ABCC9: variants seen among roughly 807,000 people sequenced by gnomAD.
ABCC9 encodes the protein ATP binding cassette subfamily C member 9.
A neutral mutation model predicts 188.3 loss-of-function variants in ABCC9; 95 were observed. The ratio of observed to expected loss-of-function variants is 0.50; its 90% CI spans 0.43 to 0.60. The LOEUF (loss-of-function observed/expected upper bound fraction) is 0.60. ABCC9 is among the 20% of genes least tolerant of loss of function. The pLI is 0.00. For missense variants in ABCC9, 1,102 were observed against 1,876.3 expected (o/e 0.59, Z 7.62); for synonymous variants, 659 against 652.7 (o/e 1.01, Z -0.15).
At chr12:21,921,177 C>T (rs934535964) in intron 5 of ABCC9, among the ~76,000 whole-genome samples, 2 of 152,062 alleles carry the variant, frequency 1.3e-5, no homozygotes, top group African/African-American at 4.8e-5. Context: ...TACTAATTTA[C>T]ATTTCCACCA....
chr12:21,936,056 A>G (rs898094992), intron 3 of ABCC9, among the ~76,000 whole-genome samples: 5 of 152,046 alleles, frequency 3.3e-5, no homozygotes, highest in African/African-American at 4.8e-5. Flanking sequence ...GTCACTCACT[A>G]TCTTCCCCAC....
chr12:21,913,406 A>G (rs940132621), intron 7 of ABCC9, among the ~76,000 whole-genome samples: 2 of 152,182 alleles, frequency 1.3e-5, no homozygotes, highest in Admixed American at 6.6e-5. Flanking sequence ...GAAAATATAT[A>G]TTTGTCATGC....
At chr12:21,939,838 G>T (rs1401043575) in intron 2 of ABCC9, among the ~76,000 whole-genome samples, 4 of 152,158 alleles carry the variant, frequency 2.6e-5, no homozygotes, top group African/African-American at 4.8e-5. Context: ...ACATAAAATA[G>T]AAATACTCCT....
intron 4 of ABCC9, among the ~76,000 whole-genome samples, chr12:21,926,942 T>C (rs1052685828): frequency 8.5e-5 from 13 of 152,194 alleles, no homozygotes; most frequent in African/African-American, 3.1e-4. Flanking sequence ...TTTCTCAAAT[T>C]ACTTGAAGAT....
At chr12:21,829,600 C>A (rs900071906) in intron 30 of ABCC9, among the ~76,000 whole-genome samples, 26 of 152,076 alleles carry the variant, frequency 1.7e-4, no homozygotes, top group Non-Finnish European at 3.5e-4. Flanking sequence ...CTTTCTTATA[C>A]CCTTACTAGG....
chr12:21,839,341 G>A (rs1222432946), intron 29 of ABCC9, among the ~76,000 whole-genome samples: 1 of 152,164 alleles, frequency 6.6e-6, no homozygotes, highest in African/African-American at 2.4e-5. Context: ...TGACAGTGCT[G>A]TTTACCAGAG....
At chr12:21,802,843 TG>T (rs1941552047) in intron 39 of ABCC9, among the ~76,000 whole-genome samples, 1 of 152,130 alleles carries the variant, frequency 6.6e-6, no homozygotes, top group South Asian at 2.1e-4. Context: ...CATTCTGCCC[TG>T]GGCCATGTAG....
chr12:21,905,156 C>A (rs921572796), intron 12 of ABCC9, among the ~76,000 whole-genome samples: 1 of 152,096 alleles, frequency 6.6e-6, no homozygotes, highest in African/African-American at 2.4e-5. Context: ...TCATTCTCAG[C>A]AAACTATTGC....
chr12:21,932,439 G>C (rs1339966762), intron 4 of ABCC9, among the ~76,000 whole-genome samples: 1 of 151,956 alleles, frequency 6.6e-6, no homozygotes, highest in Non-Finnish European at 1.5e-5. Context: ...AAACTAAAGA[G>C]CTCCTGCACA....
intron 7 of ABCC9, 124 bp from the exon 8 acceptor site, chr12:21,913,190 G>A: frequency 1.2e-6 from 1 of 829,778 alleles, no homozygotes. Context: ...TTTAAAAATT[G>A]ATGTTAATGT....
In ABCC9 at chr12:21,919,740, G is replaced by A. The variant is rs77907336; in HGVS notation, c.407-2637C>T. On this transcript the variant is annotated intron_variant, in intron 5 of 39. Transcript: ENST00000261200. ...TTATACAAAGTCTTTCAGAAAAATAGAGAGAAAACACTTTCCAACTCATTT... is the reference window on the plus strand; with the variant it reads ...TTATACAAAGTCTTTCAGAAAAATAAAGAGAAAACACTTTCCAACTCATTT... 4.4e-3 allele frequency among the ~76,000 whole-genome samples: 662 copies of A among 152,054 alleles called. 7 individuals carry two copies. Among genetic ancestry groups the A allele is most frequent in the African/African-American group, 0.012 (499 of 41,518 alleles).
At chr12:21,933,636 A>G (rs955294704) in intron 4 of ABCC9, 146 bp downstream of exon 4, 1 of 841,746 alleles carries the variant, frequency 1.2e-6, no homozygotes, top group Non-Finnish European at 1.9e-6. Context: ...TCAAAAAGAC[A>G]TAAGAACTTC....
chr12:21,923,090 A>T (rs868164644), intron 5 of ABCC9: 17 of 151,542 alleles, frequency 1.1e-4, no homozygotes, highest in South Asian at 2.1e-4. Flanking sequence ...TTGGAAAAAA[A>T]AAAAAAAGAA....
chr12:21,915,174 T>G (rs1259017054), intron 7 of ABCC9, among the ~76,000 whole-genome samples: 1 of 151,244 alleles, frequency 6.6e-6, no homozygotes, highest in Non-Finnish European at 1.5e-5. Flanking sequence ...GTGCTGGGAT[T>G]ATAGGCATGA....
At position 21,859,581 on chromosome 12, in the gene ABCC9, CTTA is replaced by C. The variant is rs764397151; in HGVS notation, c.2505+2_2505+4del. 4 of 1,613,324 alleles carry C rather than the reference CTTA, an allele frequency of 2.5e-6. No individual in the cohort carries two copies. Among genetic ancestry groups the C allele is most frequent in the Non-Finnish European group, 1.7e-6 (2 of 1,179,368 alleles). ...TAGAAATAAAAGGGAAGGCCATATT[CTTA>C]CCAAAAAGACAATGTTGGTGTTTTG... On this transcript the variant is annotated splice_donor_variant and splice_donor_region_variant and intron_variant, in intron 22 of 39. Transcript: ENST00000261200. LOFTEE classifies it high-confidence loss of function.
intron 30 of ABCC9, among the ~76,000 whole-genome samples, chr12:21,832,052 G>A (rs1185737476): frequency 6.6e-6 from 1 of 152,170 alleles, no homozygotes; most frequent in African/African-American, 2.4e-5. Flanking sequence ...CTTTCTGCGT[G>A]TTTCTATTTG....
chr12:21,924,015 C>T (rs1353352086), intron 5 of ABCC9: 5 of 467,388 alleles, frequency 1.1e-5, no homozygotes, highest in Non-Finnish European at 1.5e-5. Context: ...AAAGTCTATA[C>T]TGTGTCATTC....
At chr12:21,832,908 G>A (rs1022108117) in intron 30 of ABCC9, among the ~76,000 whole-genome samples, 1 of 152,198 alleles carries the variant, frequency 6.6e-6, no homozygotes, top group Admixed American at 6.5e-5. Context: ...TAAAGAAAAT[G>A]TGGTATATAT....
intron 7 of ABCC9, 94 bp from the exon 8 acceptor site, chr12:21,913,160 C>T: frequency 1.8e-6 from 2 of 1,113,882 alleles, no homozygotes; most frequent in Non-Finnish European, 1.3e-6. Flanking sequence ...CCTTCTTATA[C>T]TTCAAAAATA....
Sources: gnomAD v4.1 joint callset for allele counts (sites outside exome capture counted in the v4.1 genomes callset) on GRCh38, gnomAD v4.1.1 for gene constraint, MANE v1.5 for transcripts, NCBI Gene and HGNC (gene_info 2026-07-23, HGNC 2026-07-21) for gene names.